CYRIB: variants seen among roughly 807,000 people sequenced by gnomAD.
CYRIB encodes CYFIP-related Rac1 interactor B.
In CYRIB, 8 loss-of-function variants were observed where a neutral mutation model predicts 44.2. That is an observed-to-expected ratio of 0.18 (90% CI 0.11 to 0.33). The LOEUF (loss-of-function observed/expected upper bound fraction) is 0.33. Ranked by LOEUF, CYRIB falls within the 10% of genes least tolerant of loss-of-function variation. The pLI is 1.00. For missense variants in CYRIB, 185 were observed against 382.8 expected (o/e 0.48, Z 4.31); for synonymous variants, 131 against 127.2 (o/e 1.03, Z -0.20).
rs564501709 is a variant in CYRIB at position 129,980,845 on chromosome 8, G to A, written c.-295-9850C>T. ...AAAAATACAAAAAAATTAGCTGGTC[G>A]TGGTGGTGCACACCTGTGGTTCCAG... On this transcript the variant is annotated intron_variant, in intron 1 of 14. Coordinates refer to the CYRIB transcript ENST00000401979. 7.2e-5 allele frequency among the ~76,000 whole-genome samples: 11 copies of A among 151,890 alleles called. No individual in the cohort carries two copies. In the East Asian group the frequency reaches 1.9e-3, roughly 27 times the overall value.
chr8:129,915,199 T>C (rs752225543), intron 1 of CYRIB, among the ~76,000 whole-genome samples: 48 of 152,222 alleles, frequency 3.2e-4, no homozygotes, highest in Non-Finnish European at 5.1e-4. Context: ...CTAATGTTCA[T>C]AGCACTTTAC....
intron 4 of CYRIB, among the ~76,000 whole-genome samples, chr8:129,865,766 G>A (rs998585280): frequency 6.6e-6 from 1 of 152,168 alleles, no homozygotes; most frequent in Non-Finnish European, 1.5e-5. Flanking sequence ...TTGTGAAACT[G>A]AATGTTATAT....
chr8:129,983,202 T>G (rs779299495), intron 1 of CYRIB, among the ~76,000 whole-genome samples: 30 of 152,122 alleles, frequency 2.0e-4, no homozygotes, highest in Non-Finnish European at 2.9e-4. Context: ...TGCCAGCACT[T>G]TGGGAGGCCG....
rs889152368 is a variant in CYRIB, at chr8:129,980,916, G to A, written c.-295-9921C>T. ...GGAGGATCGCTTCAGCCTGAGGGGT[G>A]GAGGCTGCAGTGAGCAGAGGTGGCA... On this transcript the variant is annotated intron_variant, in intron 1 of 14. Transcript: ENST00000401979. Among the ~76,000 whole-genome samples, 15 of 151,796 alleles carry A rather than the reference G, an allele frequency of 9.9e-5. 1 individual carries two copies. Among genetic ancestry groups the A allele is most frequent in the Admixed American group, 9.9e-4 (15 of 15,216 alleles).
At chr8:129,952,588 C>T (rs191654483) in intron 2 of CYRIB, among the ~76,000 whole-genome samples, 1 of 151,890 alleles carries the variant, frequency 6.6e-6, no homozygotes, top group Non-Finnish European at 1.5e-5. Flanking sequence ...CGTTTTGAAC[C>T]ATTTTGTTTG....
At chr8:129,992,529 G>A (rs2096663861) in intron 1 of CYRIB, among the ~76,000 whole-genome samples, 1 of 152,140 alleles carries the variant, frequency 6.6e-6, no homozygotes, top group African/African-American at 2.4e-5. Context: ...GTGAGGCACT[G>A]TGATAAATGC....
chr8:129,861,714 G>C (rs752670862), intron 5 of CYRIB, among the ~76,000 whole-genome samples: 1 of 151,626 alleles, frequency 6.6e-6, no homozygotes, highest in African/African-American at 2.4e-5. Context: ...CAGCCTCCAA[G>C]TGTTGGGATT....
intron 1 of CYRIB, among the ~76,000 whole-genome samples, chr8:130,000,437 G>A (rs7016941): frequency 1 from 152,294 of 152,308 alleles, 76,140 homozygotes; most frequent in Middle Eastern, 1. Context: ...TCACGTCTGT[G>A]ATACCAGCAC....
At chr8:129,953,485 T>C (rs1282492827) in intron 2 of CYRIB, among the ~76,000 whole-genome samples, 1 of 152,214 alleles carries the variant, frequency 6.6e-6, no homozygotes, top group Middle Eastern at 3.2e-3. Context: ...TCAGATCCCC[T>C]GTGCACGTGC....
chr8:129,985,735 A>C (rs943567256), intron 1 of CYRIB, among the ~76,000 whole-genome samples: 3 of 152,146 alleles, frequency 2.0e-5, no homozygotes, highest in Non-Finnish European at 4.4e-5. Context: ...GTCCTGAACA[A>C]CCACACCAGC....
At chr8:129,982,945 C>T (rs2096294614) in intron 1 of CYRIB, among the ~76,000 whole-genome samples, 1 of 150,640 alleles carries the variant, frequency 6.6e-6, no homozygotes, top group Non-Finnish European at 1.5e-5. Context: ...TCCAGCTCTC[C>T]AAAATGTATA....
intron 3 of CYRIB, among the ~76,000 whole-genome samples, chr8:129,877,861 A>G (rs1369532361): frequency 1.3e-5 from 2 of 152,158 alleles, no homozygotes; most frequent in Non-Finnish European, 2.9e-5. Flanking sequence ...CAAAGTCAAG[A>G]TTCTGTAAAT....
chr8:129,841,718 T>C (rs999819987), exon 12 of CYRIB: 4 of 156,146 alleles, frequency 2.6e-5, no homozygotes, highest in African/African-American at 9.6e-5. Flanking sequence ...AACATTTTCA[T>C]TTTGGTTGCA....
At chr8:129,903,543 C>T (rs16904167) in intron 1 of CYRIB, among the ~76,000 whole-genome samples, 193 bp from the exon 4 acceptor site, 2,184 of 152,156 alleles carry the variant, frequency 0.014, 36 homozygotes, top group African/African-American at 0.045. Context: ...TAGAGTAAGG[C>T]ATCATATTAA....
chr8:129,869,402 A>AAAAAAAAAAAAAAAAAAAAG (rs2055914709), intron 4 of CYRIB, among the ~76,000 whole-genome samples: 1 of 151,578 alleles, frequency 6.6e-6, no homozygotes, highest in Non-Finnish European at 1.5e-5. Flanking sequence ...AAAAAAAAAA[A>AAAAAAAAAAAAAAAAAAAAG]AATCAAACAG....
chr8:129,855,421 A>G (rs1476084084), intron 6 of CYRIB, among the ~76,000 whole-genome samples, 190 bp downstream of exon 8: 4 of 151,868 alleles, frequency 2.6e-5, no homozygotes, highest in Non-Finnish European at 5.9e-5. Context: ...GAGACCGAAT[A>G]CTCAGTAATT....
At chr8:129,966,774 G>T (rs536517586) in intron 2 of CYRIB, among the ~76,000 whole-genome samples, 2 of 152,192 alleles carry the variant, frequency 1.3e-5, no homozygotes, top group East Asian at 3.9e-4. Flanking sequence ...ACCAATTCTG[G>T]CTCACTGCCA....
rs2090532178 is a variant in CYRIB at position 129,930,365 on chromosome 8, T to TATATATATATATATATATA, written c.-50+9242_-50+9243insTATATATATATATATATAT. 4.6e-4 allele frequency among the ~76,000 whole-genome samples: 23 copies of TATATATATATATATATATA among 50,416 alleles called. 1 individual carries two copies. The highest frequency in any genetic ancestry group is 1.4e-3 in the African/African-American group (20 of 14,496). 33.1% of individuals were successfully genotyped at this position (50,416 alleles called of 152,430 possible). A position where few individuals can be genotyped will look rare whatever the true frequency, so the allele number is the denominator to read the frequency against. ...TCAACTAGGAAGAATTGTGAAGTGC[T>TATATATATATATATATATA]TATATATATATATATTTTAATTATT... On this transcript the variant is annotated intron_variant, in intron 1 of 11. Transcript: ENST00000519824.
intron 2 of CYRIB, among the ~76,000 whole-genome samples, chr8:129,881,234 A>T (rs2060695333): frequency 1.3e-5 from 2 of 152,164 alleles, no homozygotes; most frequent in Admixed American, 1.3e-4. Context: ...CATCCAGGAA[A>T]CCAGGTTCAA....
Sources: allele counts gnomAD v4.1 joint callset (sites outside exome capture counted in the v4.1 genomes callset), GRCh38; gene constraint gnomAD v4.1.1; transcripts MANE v1.5; gene names NCBI Gene and HGNC (gene_info 2026-07-23, HGNC 2026-07-21).